RGPD4: variants seen among roughly 807,000 people sequenced by gnomAD.
The protein encoded by RGPD4 is ranBP2-like and GRIP domain-containing protein 4.
Under a neutral mutation model 141.1 loss-of-function variants are expected in RGPD4, and 84 were observed. The ratio of observed to expected loss-of-function variants is 0.60; its 90% CI spans 0.50 to 0.71. The LOEUF is 0.71. Among genes scored for constraint, RGPD4 ranks in the 30% least tolerant of loss-of-function variants. RGPD4 has a pLI of 0.00. For synonymous variants in RGPD4, 298 were observed against 566.8 expected, an observed-to-expected ratio of 0.53 and a Z score of 6.74; for missense variants, 918 against 1,622.4, an observed-to-expected ratio of 0.57 and a Z score of 7.46.
chr2:107,874,894 T>C (rs1454228141), intron 20 of RGPD4, among the ~76,000 whole-genome samples: 1 of 150,872 alleles, frequency 6.6e-6, no homozygotes. Flanking sequence ...GAAATGATAC[T>C]AAGTTTTTGT....
intron 4 of RGPD4, among the ~76,000 whole-genome samples, chr2:107,841,213 A>G (rs1422890975): frequency 7.7e-6 from 1 of 129,720 alleles, no homozygotes. Context: ...AGTGTTAAAG[A>G]ACATATGTAA....
At chr2:107,867,906 GT>G in intron 18 of RGPD4, 2 of 637,798 alleles carry the variant, frequency 3.1e-6, no homozygotes, top group Non-Finnish European at 5.5e-6. Flanking sequence ...GATGGTCCTT[GT>G]TTTTTAAAAA....
At chr2:107,886,364 C>G (rs832345) in intron 22 of RGPD4, among the ~76,000 whole-genome samples, 41,001 of 64,902 alleles carry the variant, frequency 0.63, 14,333 homozygotes, top group Middle Eastern at 0.8. Flanking sequence ...AAAAGACAGA[C>G]AGAAATCTCA....
rs774043462 is a variant in RGPD4 at position 107,880,059 on chromosome 2, G to A, written c.5016G>A (p.Leu1672=). 13 of 1,611,396 alleles carry A rather than the reference G, an allele frequency of 8.1e-6. No homozygotes were observed. The highest frequency in any genetic ancestry group is 2.3e-4 in the Middle Eastern group (1 of 4,430). The change falls in exon 21 of 23, where the codon CTG becomes CTA. Residue 1672 remains leucine (L), a synonymous_variant. Coordinates refer to ENST00000408999, the MANE Select transcript of RGPD4 (RefSeq NM_182588.3). The stretch of plus-strand genomic sequence containing the variant: ...AAAGTGCAGATCACTTAAACGGCCT[G>A]CTTCGGGAAGCAGAGGCAACCAGTG... ...TTKSADHLNG[L]LREAEATSAV... is the part of the protein sequence containing the mutation.
chr2:107,886,298 TA>T (rs201117721), intron 22 of RGPD4, among the ~76,000 whole-genome samples: 5 of 80,210 alleles, frequency 6.2e-5, no homozygotes, highest in East Asian at 2.4e-4. Context: ...CAAGCAGTAT[TA>T]AAAAAAAAAA....
At chr2:107,846,743 CAT>C (rs1681963368) in intron 6 of RGPD4, among the ~76,000 whole-genome samples, 1 of 151,304 alleles carries the variant, frequency 6.6e-6, no homozygotes, top group African/African-American at 2.4e-5. Context: ...GCTGGAATTA[CAT>C]GTGTGAGCCA....
At chr2:107,873,396 A>T (rs1682998273) in intron 20 of RGPD4, among the ~76,000 whole-genome samples, 1 of 128,298 alleles carries the variant, frequency 7.8e-6, no homozygotes, top group Non-Finnish European at 1.6e-5. Context: ...AGCATGGTGA[A>T]ACCCTGTTTC....
At chr2:107,860,647 A>G in intron 12 of RGPD4, 119 bp from the exon 13 acceptor site, 26 of 1,451,256 alleles carry the variant, frequency 1.8e-5, no homozygotes, top group Non-Finnish European at 2.4e-5. Flanking sequence ...ACAAATGACT[A>G]TTGAGGTACC....
In RGPD4 at chr2:107,890,794, T is replaced by G. The variant is rs1465790075; in HGVS notation, c.*63T>G. ...GTAGTTGGTTTGGACTTCGATAGGT[T>G]GATGGAAGGAATATTTTTATTAACC... On this transcript the variant is annotated 3_prime_UTR_variant, in exon 23 of 23. Transcript: ENST00000408999. The G allele has an allele frequency of 6.3e-7, 1 of 1,593,286 alleles. No homozygotes were observed. The highest frequency in any genetic ancestry group is 1.8e-5 in the Admixed American group (1 of 56,684).
At chr2:107,831,572 CTTTT>C (rs1166609493) in intron 1 of RGPD4, among the ~76,000 whole-genome samples, 10 of 108,804 alleles carry the variant, frequency 9.2e-5, no homozygotes, top group Admixed American at 2.8e-4. Flanking sequence ...CTTTTCTTTT[CTTTT>C]TTTTTTTTTT....
Position 107,827,021 on chromosome 2 carries a change from G to A in RGPD4, c.8G>A (p.Cys3Tyr), listed in dbSNP as rs1362162611. 12 of 1,599,346 alleles carry A rather than the reference G, an allele frequency of 7.5e-6. No homozygotes were observed. Among genetic ancestry groups the A allele is most frequent in the Non-Finnish European group, 1.0e-5 (12 of 1,174,552 alleles). MSCSKAYGERYVA... is the reference protein window; with the variant it reads MSYSKAYGERYVA... ...AGCCAGGTTGGTGGCGCGATGAGTT[G>A]CAGCAAGGCCTACGGGGAGCGGTAC... The change falls in exon 1 of 23, where the codon TGC becomes TAC. Residue 3 changes from cysteine (C) to tyrosine (Y), a missense_variant. Physicochemically the swap from Cys to Tyr is radical, Grantham distance 194. Coordinates refer to ENST00000408999, the MANE Select transcript of RGPD4 (RefSeq NM_182588.3).
At chr2:107,874,183 G>T (rs1372284216) in intron 20 of RGPD4, among the ~76,000 whole-genome samples, 1 of 151,508 alleles carries the variant, frequency 6.6e-6, no homozygotes, top group Non-Finnish European at 1.5e-5. Flanking sequence ...ACTAACGTCT[G>T]CCAGTATTCA....
intron 6 of RGPD4, among the ~76,000 whole-genome samples, chr2:107,846,785 T>TG (rs919061386): frequency 2.3e-4 from 35 of 151,704 alleles, no homozygotes; most frequent in African/African-American, 8.3e-4. Flanking sequence ...GCATTTTTTA[T>TG]GAAAAATAAT....
chr2:107,846,113 A>C (rs1681933086), intron 6 of RGPD4, among the ~76,000 whole-genome samples: 1 of 138,844 alleles, frequency 7.2e-6, no homozygotes. Flanking sequence ...TTTTTAGTAG[A>C]GATGGGGTTT....
intron 1 of RGPD4, among the ~76,000 whole-genome samples, chr2:107,829,800 C>T (rs914213833): frequency 1.3e-5 from 2 of 152,128 alleles, no homozygotes; most frequent in Non-Finnish European, 2.9e-5. Context: ...CCCGGGCTTT[C>T]TGGCCCCGTA....
In RGPD4 at chr2:107,871,866, T is replaced by A; in HGVS notation, c.3862T>A (p.Ser1288Thr). 2 of 1,611,660 alleles carry A rather than the reference T, an allele frequency of 1.2e-6. No individual in the cohort carries two copies. The highest frequency in any genetic ancestry group is 1.7e-6 in the Non-Finnish European group (2 of 1,179,856). The change falls in exon 20 of 23, where the codon TCA becomes ACA. Residue 1288 changes from serine (S) to threonine (T), a missense_variant. Coordinates refer to ENST00000408999, the MANE Select transcript of RGPD4 (RefSeq NM_182588.3). ...VRKNLFHFGESTTGSNFSFKS... is the reference protein window; with the variant it reads ...VRKNLFHFGETTTGSNFSFKS... The stretch of plus-strand genomic sequence containing the variant: ...AAAAAATCTTTTCCATTTTGGTGAG[T>A]CAACAACAGGATCTAACTTCAGTTT...
rs931670342 is a variant in RGPD4, at chr2:107,892,429, A to G, written c.*1698A>G. Among the ~76,000 whole-genome samples the G allele has an allele frequency of 1.1e-5, 1 of 93,680 alleles. No individual in the cohort carries two copies. Among genetic ancestry groups the G allele is most frequent in the African/African-American group, 5.0e-5 (1 of 19,838 alleles). The allele number at this position is 93,680 out of a possible 152,430, so 61.5% of individuals were successfully genotyped here. A position where few individuals can be genotyped will look rare whatever the true frequency, so the allele number is the denominator to read the frequency against. ...TCTCCACTTACAAATGTCATAACAA[A>G]ATACTTTTTTGCATGATAAAAAATT... On this transcript the variant is annotated 3_prime_UTR_variant, in exon 23 of 23. Coordinates refer to ENST00000408999, the MANE Select transcript of RGPD4 (RefSeq NM_182588.3).
chr2:107,870,097 A>T, intron 19 of RGPD4, 120 bp downstream of exon 19: 1 of 550,764 alleles, frequency 1.8e-6, no homozygotes, highest in South Asian at 3.7e-5. Flanking sequence ...TAAAATGTAG[A>T]TATTTTAAAT....
intron 1 of RGPD4, among the ~76,000 whole-genome samples, chr2:107,831,646 G>A (rs1681494724): frequency 8.5e-6 from 1 of 118,030 alleles, no homozygotes; most frequent in African/African-American, 3.4e-5. Flanking sequence ...CGCGATCTCG[G>A]CTCACTGCAA....
Sources: gnomAD v4.1 joint callset for allele counts (sites outside exome capture counted in the v4.1 genomes callset) on GRCh38, gnomAD v4.1.1 for gene constraint, MANE v1.5 for transcripts, NCBI Gene and HGNC (gene_info 2026-07-23, HGNC 2026-07-21) for gene names.